The following AR variants were observed in gnomAD, a reference collection of about 807,000 sequenced individuals.
AR encodes androgen receptor.
Under a neutral mutation model 53.9 loss-of-function variants are expected in AR, and 8 were observed. The ratio of observed to expected loss-of-function variants is 0.15; its 90% confidence interval spans 0.09 to 0.27. The LOEUF (loss-of-function observed/expected upper bound fraction) is 0.27. Among genes scored for constraint, AR ranks in the 10% least tolerant of loss-of-function variants. AR has a pLI of 1.00. For synonymous variants in AR, 359 were observed against 316.4 expected (o/e 1.13, Z -1.43); for missense variants, 639 against 742.5 (o/e 0.86, Z 1.62).
intron 2 of AR, among the ~76,000 whole-genome samples, chrX:67,645,452 A>G (rs1445124827): frequency 9.0e-6 from 1 of 110,812 alleles, no homozygotes; most frequent in Non-Finnish European, 1.9e-5. Context: ...GGAAGAAAAG[A>G]AATGAGGTTT....
At chrX:67,659,933 C>T (rs1413597217) in intron 2 of AR, among the ~76,000 whole-genome samples, 1 of 110,527 alleles carries the variant, frequency 9.0e-6, no homozygotes, top group Non-Finnish European at 1.9e-5. Flanking sequence ...GATGGTATCT[C>T]GTGGTTTTGA....
intron 1 of AR, among the ~76,000 whole-genome samples, chrX:67,569,335 G>A (rs998662299): frequency 3.6e-5 from 4 of 111,304 alleles, no homozygotes; most frequent in Non-Finnish European, 3.8e-5. Flanking sequence ...GAGACAGTAA[G>A]CAGCATACAT....
At chrX:67,684,102 G>T in intron 2 of AR, among the ~76,000 whole-genome samples, 1 of 111,602 alleles carries the variant, frequency 9.0e-6, no homozygotes, top group East Asian at 2.8e-4. Context: ...AATGTAACAA[G>T]CTGGTCTTGA....
At chrX:67,714,749 G>T (rs1164150558) in intron 4 of AR, among the ~76,000 whole-genome samples, 1 of 112,091 alleles carries the variant, frequency 8.9e-6, no homozygotes, top group African/African-American at 3.2e-5. Flanking sequence ...GGTGTTGAGT[G>T]AATGCATACT....
intron 3 of AR, chrX:67,689,448 A>C (rs1026462705): frequency 2.1e-6 from 1 of 480,122 alleles, no homozygotes; most frequent in Non-Finnish European, 2.8e-6. Context: ...ATAGTGTTTC[A>C]TTCACTGTTT....
At chrX:67,722,085 C>A (rs748158972) in intron 6 of AR, 122 bp downstream of exon 6, 1 of 814,819 alleles carries the variant, frequency 1.2e-6, no homozygotes, top group African/African-American at 2.0e-5. Flanking sequence ...TCTTCATTCC[C>A]CCTCCCCATC....
rs1237635306 is a variant in AR, at chrX:67,725,087, T to C, written c.*1246T>C. The C allele has an allele frequency of 1.7e-5, 3 of 174,420 alleles. No individual in the cohort carries two copies. Among genetic ancestry groups the C allele is most frequent in the African/African-American group, 2.9e-5 (1 of 33,973 alleles). The allele number at this position is 174,420 out of a possible 1,213,427, so 14.4% of individuals were successfully genotyped here. On this transcript the variant is annotated 3_prime_UTR_variant, in exon 8 of 8. Coordinates refer to ENST00000374690, the MANE Select transcript of AR (RefSeq NM_000044.6). ...ACTCCGTGAAGCCACAAGCACCTTA[T>C]GTCCTCCCTTCAGTGTTTTGTGGGC...
intron 2 of AR, among the ~76,000 whole-genome samples, chrX:67,648,295 A>C (rs1193015034): frequency 8.9e-6 from 1 of 111,833 alleles, no homozygotes; most frequent in African/African-American, 3.2e-5. Context: ...AACTGAAAAT[A>C]TTTCAAACAT....
rs6152 is a variant in AR, at chrX:67,545,785, G to A, written c.639G>A (p.Glu213=). Residue 213 remains glutamate, a synonymous_variant, in exon 1 of 8, where the codon GAG becomes GAA. Transcript: ENST00000374690. The stretch of plus-strand genomic sequence containing the variant: ...GCAGCAGCAGCGGGAGAGCGAGGGA[G>A]GCCTCGGGGGCTCCCACTTCCTCCA... ...SEGSSSGRAR[E]ASGAPTSSKD... is the part of the protein sequence containing the mutation. 0.16 allele frequency: 197,366 copies of A among 1,209,546 alleles called. 16,446 individuals carry two copies. The highest frequency in any genetic ancestry group is 0.62 in the African/African-American group (35,411 of 57,101).
chrX:67,674,701 G>A (rs945998862), intron 2 of AR, among the ~76,000 whole-genome samples: 2 of 111,179 alleles, frequency 1.8e-5, no homozygotes, highest in African/African-American at 3.3e-5. Flanking sequence ...AAGGAAGTGG[G>A]CTCCTCTCTG....
chrX:67,699,645 A>G (rs1272282333), intron 3 of AR, among the ~76,000 whole-genome samples: 1 of 110,435 alleles, frequency 9.1e-6, no homozygotes, highest in African/African-American at 3.3e-5. Context: ...GCTTGACTGA[A>G]TGACTGGAAA....
At chrX:67,660,220 AG>A (rs1409377653) in intron 2 of AR, among the ~76,000 whole-genome samples, 1 of 112,232 alleles carries the variant, frequency 8.9e-6, no homozygotes, top group Non-Finnish European at 1.9e-5. Context: ...TAGTTGAATT[AG>A]ATCCCATTTG....
In AR at chrX:67,626,331, C is replaced by A. The variant is rs112357631; in HGVS notation, c.1617-16925C>A. On this transcript the variant is annotated intron_variant, in intron 1 of 7. Coordinates refer to ENST00000374690, the MANE Select transcript of AR (RefSeq NM_000044.6). ...AATTTTATTAGCTCCCACAAATTAG[C>A]TCCCATGTCAGAACATGTAAAGTTT... Among the ~76,000 whole-genome samples, 322 of 109,187 alleles carry A rather than the reference C, an allele frequency of 2.9e-3. 1 individual carries two copies. The highest frequency in any genetic ancestry group is 0.01 in the African/African-American group (305 of 30,091). The allele number at this position is 109,187 out of a possible 115,157, so 94.8% of individuals were successfully genotyped here.
At chrX:67,582,822 C>A (rs1316344654) in intron 1 of AR, among the ~76,000 whole-genome samples, 2 of 111,675 alleles carry the variant, frequency 1.8e-5, no homozygotes, top group Admixed American at 9.5e-5. Context: ...CCGTATCCAT[C>A]GCAATACTTC....
intron 1 of AR, among the ~76,000 whole-genome samples, chrX:67,565,820 G>C (rs959571389): frequency 9.0e-6 from 1 of 111,581 alleles, no homozygotes; most frequent in African/African-American, 3.3e-5. Flanking sequence ...AACCTCCTGA[G>C]TAGCTGGGAT....
intron 1 of AR, among the ~76,000 whole-genome samples, chrX:67,587,148 A>T (rs1342365815): frequency 1.8e-5 from 2 of 112,158 alleles, no homozygotes; most frequent in Non-Finnish European, 3.8e-5. Context: ...GGGAGAGGCA[A>T]GAGTTGAACC....
chrX:67,569,663 T>A (rs1921727979), intron 1 of AR, among the ~76,000 whole-genome samples: 1 of 111,641 alleles, frequency 9.0e-6, no homozygotes, highest in Admixed American at 9.5e-5. Flanking sequence ...CCCCTGAGTT[T>A]GCACGTCTCT....
chrX:67,572,348 AC>A (rs760211009), intron 1 of AR, among the ~76,000 whole-genome samples: 1 of 111,672 alleles, frequency 9.0e-6, no homozygotes, highest in African/African-American at 3.2e-5. Context: ...AATGCTTTGC[AC>A]ATGCAACATA....
intron 1 of AR, among the ~76,000 whole-genome samples, chrX:67,585,203 C>A (rs1922481102): frequency 9.7e-6 from 1 of 103,371 alleles, no homozygotes; most frequent in Non-Finnish European, 1.9e-5. Context: ...TTGGAGATTG[C>A]AGTGAGCCGA....
Sources: allele counts gnomAD v4.1 joint callset (sites outside exome capture counted in the v4.1 genomes callset), GRCh38; gene constraint gnomAD v4.1.1; transcripts MANE v1.5; gene names NCBI Gene and HGNC (gene_info 2026-07-23, HGNC 2026-07-21).